Variants in DGKI observed in about 807,000 individuals in gnomAD.
DGKI encodes diacylglycerol kinase iota.
DGKI carries 55 observed loss-of-function variants against 147.5 expected under a neutral mutation model. The ratio of observed to expected loss-of-function variants is 0.37; its 90% CI spans 0.30 to 0.47. DGKI has a LOEUF of 0.47. DGKI is among the 20% of genes least tolerant of loss of function. DGKI has a pLI of 1.00. For synonymous variants in DGKI, 469 were observed against 477.1 expected (o/e 0.98, Z 0.22); for missense variants, 1,007 against 1,323.8 (o/e 0.76, Z 3.71).
intron 23 of DGKI, among the ~76,000 whole-genome samples, chr7:137,476,049 A>C (rs2128931428): frequency 6.6e-6 from 1 of 152,334 alleles, no homozygotes; most frequent in Non-Finnish European, 1.5e-5. Context: ...GTAGTTTTCA[A>C]ATAGTCCTGG....
intron 24 of DGKI, among the ~76,000 whole-genome samples, chr7:137,468,063 T>C (rs1814728762): frequency 6.7e-6 from 1 of 149,446 alleles, no homozygotes; most frequent in South Asian, 2.1e-4. Context: ...AGCCCAAATA[T>C]TATAAATAGA....
At chr7:137,776,852 A>T (rs1005239898) in intron 1 of DGKI, among the ~76,000 whole-genome samples, 5 of 152,042 alleles carry the variant, frequency 3.3e-5, no homozygotes, top group Non-Finnish European at 7.4e-5. Context: ...TACATGAGAA[A>T]AGGAGGAGTA....
intron 1 of DGKI, 94 bp from the exon 2 acceptor site, chr7:137,690,096 G>T: frequency 2.7e-6 from 2 of 738,810 alleles, no homozygotes; most frequent in South Asian, 4.1e-5. Context: ...TAGAAACAAT[G>T]CCTGAGTTAG....
chr7:137,504,985 A>G (rs1362664622), intron 21 of DGKI, among the ~76,000 whole-genome samples: 1 of 152,054 alleles, frequency 6.6e-6, no homozygotes, highest in African/African-American at 2.4e-5. Context: ...GTATCTGATA[A>G]AAGACTGGTA....
intron 1 of DGKI, among the ~76,000 whole-genome samples, chr7:137,811,362 TCC>T (rs1432480985): frequency 1.4e-4 from 16 of 113,920 alleles, no homozygotes; most frequent in South Asian, 5.5e-4. Flanking sequence ...TCTCTCTCTC[TCC>T]CTCTCTCTCT....
chr7:137,425,391 C>A lies in DGKI; in HGVS notation c.2762-13184G>T, dbSNP rs532483824. Among the ~76,000 whole-genome samples, 319 of 152,270 alleles carry A rather than the reference C, an allele frequency of 2.1e-3. 2 individuals carry two copies. The highest frequency in any genetic ancestry group is 6.9e-3 in the African/African-American group (286 of 41,554). On this transcript the variant is annotated intron_variant, in intron 28 of 32. Coordinates refer to ENST00000614521, the MANE Select transcript of DGKI (RefSeq NM_001321708.2). ...CAGAAAGGACATCCACACCAAAAAC[C>A]CATCTGTACATCACCATCATCAAAG...
chr7:137,472,367 T>C (rs1294105767), intron 23 of DGKI, among the ~76,000 whole-genome samples: 13 of 5,044 alleles, frequency 2.6e-3, no homozygotes, highest in Non-Finnish European at 0.014. Context: ...TATATACATA[T>C]AATTATTATA....
intron 3 of DGKI, among the ~76,000 whole-genome samples, chr7:137,665,529 C>G (rs10279889): frequency 1.3e-5 from 2 of 152,104 alleles, no homozygotes; most frequent in African/African-American, 2.4e-5. Flanking sequence ...TGATGCTCTT[C>G]GAACAGCGTG....
At chr7:137,665,756 A>T (rs892115266) in intron 3 of DGKI, among the ~76,000 whole-genome samples, 5 of 152,198 alleles carry the variant, frequency 3.3e-5, no homozygotes, top group Non-Finnish European at 5.9e-5. Context: ...TGAACCAGAA[A>T]GAAAAAGTTG....
At chr7:137,628,746 G>C (rs572243620) in intron 6 of DGKI, among the ~76,000 whole-genome samples, 2 of 151,876 alleles carry the variant, frequency 1.3e-5, no homozygotes, top group African/African-American at 4.8e-5. Flanking sequence ...TTGTTCTTTG[G>C]GATTTTTCAA....
intron 27 of DGKI, among the ~76,000 whole-genome samples, chr7:137,445,813 G>A (rs2128918253): frequency 6.6e-6 from 1 of 152,250 alleles, no homozygotes; most frequent in Non-Finnish European, 1.5e-5. Context: ...GACACTCTCA[G>A]AGCCAAAGGA....
chr7:137,695,711 C>A (rs1300256912), intron 1 of DGKI, among the ~76,000 whole-genome samples: 12 of 152,164 alleles, frequency 7.9e-5, no homozygotes, highest in Admixed American at 3.9e-4. Flanking sequence ...ATATACATAG[C>A]AAACCAGACG....
intron 1 of DGKI, among the ~76,000 whole-genome samples, chr7:137,736,118 C>T (rs1017842525): frequency 6.6e-6 from 1 of 152,040 alleles, no homozygotes; most frequent in African/African-American, 2.4e-5. Context: ...CCTATCCTTC[C>T]CTGCTTCAGT....
At position 137,700,132 on chromosome 7, in the gene DGKI, C is replaced by T. The variant is rs1051375357; in HGVS notation, c.402-10130G>A. ...AAGCCTACAAAGACCCCAGAGCACA[C>T]CTATGTGTTGAGGAGACACACTGCC... On this transcript the variant is annotated intron_variant, in intron 1 of 32. Transcript: ENST00000614521. 2.0e-5 allele frequency among the ~76,000 whole-genome samples: 3 copies of T among 152,190 alleles called. No homozygotes were observed. In the South Asian group the frequency reaches 6.2e-4, roughly 32 times the overall value.
chr7:137,596,001 C>CAAAAAAAAAAAAAAAAAAAAAAAA (rs71177914), intron 12 of DGKI, among the ~76,000 whole-genome samples: 1 of 44,400 alleles, frequency 2.3e-5, no homozygotes, highest in Non-Finnish European at 3.9e-5. Flanking sequence ...GACTCCGTCT[C>CAAAAAAAAAAAAAAAAAAAAAAAA]AAAAAAAAAA....
chr7:137,421,907 T>C (rs1812586294), intron 28 of DGKI, among the ~76,000 whole-genome samples: 2 of 152,034 alleles, frequency 1.3e-5, no homozygotes, highest in East Asian at 3.9e-4. Flanking sequence ...TTCTAGGGAG[T>C]GGAAGAAAGC....
rs534123501 is a variant in DGKI, at chr7:137,686,675, T to G, written c.510+3219A>C. 2.0e-5 allele frequency among the ~76,000 whole-genome samples: 3 copies of G among 152,240 alleles called. No homozygotes were observed. In the South Asian group the frequency reaches 6.2e-4, roughly 32 times the overall value. On this transcript the variant is annotated intron_variant, in intron 2 of 32. Coordinates refer to ENST00000614521, the MANE Select transcript of DGKI (RefSeq NM_001321708.2). ...GTATTAAGTTAATGTACCCAAAGCATAAAAACTGTCTGCTATAACAGCACC... is the reference window on the plus strand; with the variant it reads ...GTATTAAGTTAATGTACCCAAAGCAGAAAAACTGTCTGCTATAACAGCACC...
intron 21 of DGKI, among the ~76,000 whole-genome samples, chr7:137,502,386 T>C (rs1243649854): frequency 6.6e-6 from 1 of 152,154 alleles, no homozygotes; most frequent in South Asian, 2.1e-4. Flanking sequence ...TCATGTTGCA[T>C]AGCATTGTGT....
chr7:137,799,973 C>A (rs1474691815), intron 1 of DGKI, among the ~76,000 whole-genome samples: 1 of 152,086 alleles, frequency 6.6e-6, no homozygotes, highest in South Asian at 2.1e-4. Flanking sequence ...TTTTTCAGTA[C>A]GGTTCTCTCT....
Sources: allele counts gnomAD v4.1 joint callset (sites outside exome capture counted in the v4.1 genomes callset), GRCh38; gene constraint gnomAD v4.1.1; transcripts MANE v1.5; gene names NCBI Gene and HGNC (gene_info 2026-07-23, HGNC 2026-07-21).